SCGN: variants seen among roughly 807,000 people sequenced by gnomAD.
SCGN encodes the protein secretagogin.
Under a neutral mutation model 39.7 loss-of-function variants are expected in SCGN, and 30 were observed. The ratio of observed to expected loss-of-function variants is 0.76; its 90% CI spans 0.57 to 1.03. SCGN has a LOEUF of 1.03. Among genes scored for constraint, SCGN ranks in the 50% least tolerant of loss-of-function variants. SCGN has a pLI of 0.00. For missense variants in SCGN, 353 were observed against 349.4 expected, an observed-to-expected ratio of 1.01 and a Z score of -0.08; for synonymous variants, 106 against 114.1, an observed-to-expected ratio of 0.93 and a Z score of 0.45.
At chr6:25,661,447 TTTGAAAA>T in intron 2 of SCGN, 98 bp from the exon 3 acceptor site, 1 of 792,476 alleles carries the variant, frequency 1.3e-6, no homozygotes, top group Non-Finnish European at 2.1e-6. Context: ...GCTTTCCATG[TTTGAAAA>T]ACATAATTTT....
At chr6:25,656,556 A>G (rs925911851) in intron 2 of SCGN, among the ~76,000 whole-genome samples, 3 of 152,216 alleles carry the variant, frequency 2.0e-5, no homozygotes, top group Non-Finnish European at 2.9e-5. Context: ...GTTCATGGAT[A>G]AACATCAGAT....
At chr6:25,686,103 T>A (rs1394841305) in intron 7 of SCGN, among the ~76,000 whole-genome samples, 1 of 152,358 alleles carries the variant, frequency 6.6e-6, no homozygotes, top group Middle Eastern at 3.4e-3. Flanking sequence ...CCCTTGTATG[T>A]ACATACCACA....
At chr6:25,690,612 CAT>C (rs1330185025) in intron 9 of SCGN, among the ~76,000 whole-genome samples, 2 of 152,068 alleles carry the variant, frequency 1.3e-5, no homozygotes, top group Non-Finnish European at 2.9e-5. Flanking sequence ...ATAATTCTAA[CAT>C]GTTCATTCAA....
In SCGN at chr6:25,665,021, G is replaced by T. The variant is rs1284576298; in HGVS notation, c.325G>T (p.Glu109Ter). The part of the protein sequence containing the change: ...RRENPLDSSV[E>*]FMQIWRKYDA... ...GGAAAACCCACTGGACAGCAGCGTG[G>T]AGTTTATGCAGGTGAGTGCTTGGTT... The change falls in exon 4 of 11, where the codon GAG becomes TAG. Residue 109 changes from glutamate to a stop codon, truncating the protein, a stop_gained. Transcript: ENST00000377961. LOFTEE classifies it high-confidence loss of function. 6.2e-7 allele frequency: 1 copy of T among 1,613,686 alleles called. No individual in the cohort carries two copies. The highest frequency in any genetic ancestry group is 2.2e-5 in the East Asian group (1 of 44,884).
At chr6:25,695,883 A>G (rs1759830902) in intron 10 of SCGN, among the ~76,000 whole-genome samples, 1 of 152,174 alleles carries the variant, frequency 6.6e-6, no homozygotes, top group African/African-American at 2.4e-5. Flanking sequence ...AAAAATCAAC[A>G]CAAGAATCTA....
chr6:25,688,826 A>C (rs1382243981), intron 7 of SCGN, among the ~76,000 whole-genome samples: 1 of 148,884 alleles, frequency 6.7e-6, no homozygotes, highest in Non-Finnish European at 1.5e-5. Context: ...GATTTTTTTC[A>C]GAATAAACAC....
At chr6:25,696,817 A>G (rs554778981) in intron 10 of SCGN, among the ~76,000 whole-genome samples, 50 of 152,206 alleles carry the variant, frequency 3.3e-4, no homozygotes, top group Non-Finnish European at 7.1e-4. Context: ...GCATTCTGGT[A>G]TATATACTAT....
At chr6:25,653,291 A>C (rs1015716895) in intron 1 of SCGN, 91 bp from the exon 2 acceptor site, 7 of 902,866 alleles carry the variant, frequency 7.8e-6, no homozygotes, top group Non-Finnish European at 1.2e-5. Context: ...GGGAAGCTTT[A>C]TGAATTGTGA....
At chr6:25,680,463 T>C (rs925498711) in intron 6 of SCGN, among the ~76,000 whole-genome samples, 13 of 152,214 alleles carry the variant, frequency 8.5e-5, no homozygotes, top group African/African-American at 2.9e-4. Context: ...AATTTTCTGA[T>C]AGGTAGAAGC....
At chr6:25,697,121 G>A (rs548116253) in intron 10 of SCGN, among the ~76,000 whole-genome samples, 1 of 152,280 alleles carries the variant, frequency 6.6e-6, no homozygotes, top group South Asian at 2.1e-4. Flanking sequence ...CATTTGCCTA[G>A]TAAAGTGATC....
chr6:25,682,500 C>T (rs920692038), intron 7 of SCGN, among the ~76,000 whole-genome samples: 2 of 152,146 alleles, frequency 1.3e-5, no homozygotes, highest in African/African-American at 2.4e-5. Context: ...GGCTCAGTGT[C>T]CATGAAAATG....
chr6:25,684,372 C>T (rs1285914427), intron 7 of SCGN, among the ~76,000 whole-genome samples: 1 of 152,110 alleles, frequency 6.6e-6, no homozygotes, highest in Non-Finnish European at 1.5e-5. Context: ...TACCAGATAC[C>T]CAAATCCTCG....
intron 7 of SCGN, among the ~76,000 whole-genome samples, chr6:25,683,986 T>C (rs921677826): frequency 6.6e-6 from 1 of 152,170 alleles, no homozygotes; most frequent in Non-Finnish European, 1.5e-5. Flanking sequence ...GAAATTCAAG[T>C]GAGACATGGG....
rs550121555 is a variant in SCGN at position 25,673,847 on chromosome 6, C to T, written c.471+3771C>T. On this transcript the variant is annotated intron_variant, in intron 6 of 10. Coordinates refer to ENST00000377961, the MANE Select transcript of SCGN (RefSeq NM_006998.4). Reference sequence around the variant, plus strand: ...TTTATAAAAGAAGGTTTCATTGGCTCATGGTTCTGCAGGCTGTACAAGCAT... The same window carrying T: ...TTTATAAAAGAAGGTTTCATTGGCTTATGGTTCTGCAGGCTGTACAAGCAT... Among the ~76,000 whole-genome samples the T allele has an allele frequency of 1.4e-4, 21 of 152,270 alleles. No individual in the cohort carries two copies. In the East Asian group the frequency reaches 3.7e-3, roughly 27 times the overall value.
At chr6:25,673,442 A>C (rs1391093332) in intron 6 of SCGN, among the ~76,000 whole-genome samples, 4 of 152,228 alleles carry the variant, frequency 2.6e-5, no homozygotes, top group Non-Finnish European at 4.4e-5. Context: ...TCAGGCTTGA[A>C]TTAAAGAAGC....
Position 25,664,973 on chromosome 6 carries a change from A to G in SCGN, c.277A>G (p.Asn93Asp). The G allele has an allele frequency of 6.2e-7, 1 of 1,613,906 alleles. No homozygotes were observed. Among genetic ancestry groups the G allele is most frequent in the Non-Finnish European group, 8.5e-7 (1 of 1,179,916 alleles). The stretch of plus-strand genomic sequence containing the variant: ...TGGTATGTTCTTATCTGAGGATGAA[A>G]ACTTTCTTCTGCTCTTTCGCCGGGA... ...LAGMFLSEDE[N>D]FLLLFRRENP... is the part of the protein sequence containing the mutation. The change falls in exon 4 of 11, where the codon AAC (asparagine) becomes GAC (aspartate). Residue 93 changes from asparagine to aspartate, a missense_variant. Asn to Asp is a conservative substitution (Grantham distance 23). Coordinates refer to ENST00000377961, the MANE Select transcript of SCGN (RefSeq NM_006998.4).
In SCGN at chr6:25,701,510, CA is replaced by C; in HGVS notation, c.*176del. 1.5e-6 allele frequency: 1 copy of C among 685,398 alleles called. No homozygotes were observed. The allele number at this position is 685,398 out of a possible 1,614,324, so 42.5% of individuals were successfully genotyped here. On this transcript the variant is annotated 3_prime_UTR_variant, in exon 11 of 11. Coordinates refer to ENST00000377961, the MANE Select transcript of SCGN (RefSeq NM_006998.4). ...CCACCGGCGTGATCTATCCCTGTCT[CA>C]CTGAAAGCCCCTGTGTAGTGTCTGT... is the stretch of plus-strand genomic sequence containing the variant.
intron 7 of SCGN, among the ~76,000 whole-genome samples, chr6:25,686,626 A>G (rs1016969345): frequency 6.6e-6 from 1 of 152,124 alleles, no homozygotes; most frequent in Non-Finnish European, 1.5e-5. Flanking sequence ...ATCAGCAAAA[A>G]CTTTTTTCCA....
intron 2 of SCGN, among the ~76,000 whole-genome samples, chr6:25,657,212 C>T (rs1220887058): frequency 6.6e-6 from 1 of 152,102 alleles, no homozygotes; most frequent in Non-Finnish European, 1.5e-5. Flanking sequence ...TCACCTTCCA[C>T]AGAGAATAAA....
Sources: gnomAD v4.1 joint callset for allele counts (sites outside exome capture counted in the v4.1 genomes callset) on GRCh38, gnomAD v4.1.1 for gene constraint, MANE v1.5 for transcripts, NCBI Gene and HGNC (gene_info 2026-07-23, HGNC 2026-07-21) for gene names.